The following CFAP90 variants were observed in gnomAD, a reference collection of about 807,000 sequenced individuals.
CFAP90 encodes cilia- and flagella-associated protein 90.
the CFAP90 span, among the ~76,000 whole-genome samples, chr5:7,845,526 G>A: frequency 1.3e-5 from 2 of 152,204 alleles, no homozygotes; most frequent in African/African-American, 4.8e-5. Flanking sequence ...AGGGAAAGCG[G>A]ATTCTAAAAC....
chr5:7,832,360 T>A, the CFAP90 span, among the ~76,000 whole-genome samples: 5 of 152,148 alleles, frequency 3.3e-5, no homozygotes, highest in African/African-American at 1.2e-4. Flanking sequence ...ACCCAGATCC[T>A]GGCTCAGATG....
chr5:7,839,422 G>T, the CFAP90 span, among the ~76,000 whole-genome samples: 1 of 152,218 alleles, frequency 6.6e-6, no homozygotes, highest in African/African-American at 2.4e-5. Flanking sequence ...CTCCTGAACT[G>T]AGTGAGCCCC....
the CFAP90 span, chr5:7,831,896 A>T: frequency 6.2e-7 from 1 of 1,613,912 alleles, no homozygotes; most frequent in Non-Finnish European, 8.5e-7. Context: ...GAGGCTGGGG[A>T]TGTCGTTCTT....
At chr5:7,837,478 G>A in the CFAP90 span, among the ~76,000 whole-genome samples, 10 of 152,176 alleles carry the variant, frequency 6.6e-5, no homozygotes, top group East Asian at 1.7e-3. Flanking sequence ...TCCAACAGGA[G>A]GATACAGAGG....
At chr5:7,841,123 C>T in the CFAP90 span, among the ~76,000 whole-genome samples, 2 of 151,756 alleles carry the variant, frequency 1.3e-5, no homozygotes, top group South Asian at 2.1e-4. Context: ...CCAGCATCTA[C>T]AAGAAACAAA....
chr5:7,840,991 T>A, the CFAP90 span, among the ~76,000 whole-genome samples: 1 of 152,074 alleles, frequency 6.6e-6, no homozygotes, highest in Non-Finnish European at 1.5e-5. Flanking sequence ...AAAATTGACA[T>A]ATAGTATCTA....
chr5:7,847,552 T>C, the CFAP90 span, among the ~76,000 whole-genome samples: 1 of 152,150 alleles, frequency 6.6e-6, no homozygotes, highest in East Asian at 1.9e-4. Flanking sequence ...ACCACAGACA[T>C]GCAAACACAT....
the CFAP90 span, chr5:7,835,497 G>A: frequency 9.3e-6 from 14 of 1,512,548 alleles, no homozygotes; most frequent in East Asian, 9.1e-5. Context: ...AATAATTCCT[G>A]TCTAGGAAAA....
the CFAP90 span, chr5:7,831,733 A>C: frequency 2.0e-6 from 2 of 1,008,808 alleles, no homozygotes; most frequent in South Asian, 1.6e-5. Flanking sequence ...ACACAGGCAT[A>C]GCCAAGCTCC....
chr5:7,835,449 TA>T, the CFAP90 span: 3 of 1,606,698 alleles, frequency 1.9e-6, no homozygotes, highest in Admixed American at 5.0e-5. Flanking sequence ...CTTCTGATCA[TA>T]ATCTAGGCGC....
chr5:7,849,486 C>T, the CFAP90 span, among the ~76,000 whole-genome samples: 355 of 152,294 alleles, frequency 2.3e-3, no homozygotes, highest in African/African-American at 8.1e-3. Flanking sequence ...GTCCCAGTTA[C>T]GCCTGCAGGC....
At chr5:7,850,894 T>C in the CFAP90 span, 1 of 1,349,564 alleles carries the variant, frequency 7.4e-7, no homozygotes, top group Non-Finnish European at 9.5e-7. Context: ...GCGGTAGTAG[T>C]AGCTGTGCTC....
chr5:7,835,779 C>T, the CFAP90 span, among the ~76,000 whole-genome samples: 1 of 152,124 alleles, frequency 6.6e-6, no homozygotes, highest in Non-Finnish European at 1.5e-5. Context: ...ACAGAGGTGG[C>T]TCCCCAAGCT....
chr5:7,850,641 G>T, the CFAP90 span, among the ~76,000 whole-genome samples: 1 of 6,248 alleles, frequency 1.6e-4, no homozygotes, highest in Non-Finnish European at 2.9e-4. Flanking sequence ...CTAGGCCCCC[G>T]CCCCTAAGGT....
the CFAP90 span, chr5:7,831,704 G>T: frequency 2.7e-6 from 2 of 737,490 alleles, no homozygotes; most frequent in Non-Finnish European, 4.4e-6. Flanking sequence ...GTGTTCATGT[G>T]TCCCACTGTA....
the CFAP90 span, chr5:7,830,490 T>G: frequency 6.6e-6 from 1 of 152,240 alleles, no homozygotes; most frequent in Non-Finnish European, 1.5e-5. Flanking sequence ...CTTTATATAT[T>G]TTCTATTATG....
the CFAP90 span, among the ~76,000 whole-genome samples, chr5:7,844,328 C>T: frequency 0.23 from 35,081 of 152,068 alleles, 4,220 homozygotes; most frequent in Middle Eastern, 0.29. Flanking sequence ...TAATCCAAAC[C>T]GAAACCCCCA....
the CFAP90 span, among the ~76,000 whole-genome samples, chr5:7,844,783 C>T: frequency 6.6e-6 from 1 of 152,090 alleles, no homozygotes; most frequent in Non-Finnish European, 1.5e-5. Context: ...CACACAGCCC[C>T]CTTGGAGTGG....
the CFAP90 span, among the ~76,000 whole-genome samples, chr5:7,848,426 G>A: frequency 4.6e-5 from 7 of 152,256 alleles, no homozygotes; most frequent in South Asian, 4.2e-4. Flanking sequence ...TATGGCTGCC[G>A]TATTTGTCAG....
Sources: gnomAD v4.1 joint callset for allele counts (sites outside exome capture counted in the v4.1 genomes callset) on GRCh38, gnomAD v4.1.1 for gene constraint, MANE v1.5 for transcripts, NCBI Gene and HGNC (gene_info 2026-07-23, HGNC 2026-07-21) for gene names.